The following GNPNAT1 variants were observed in gnomAD, a reference collection of about 807,000 sequenced individuals.
GNPNAT1 encodes the protein glucosamine-phosphate N-acetyltransferase 1, also known as glucosamine 6-phosphate N-acetyltransferase.
GNPNAT1 carries 11 observed loss-of-function variants against 19.8 expected under a neutral mutation model. The ratio of observed to expected loss-of-function variants is 0.56; its 90% CI spans 0.35 to 0.92. The LOEUF is 0.92. Ranked by LOEUF, GNPNAT1 falls within the 40% of genes least tolerant of loss-of-function variation. The probability of loss-of-function intolerance (pLI) is 0.01; values close to 1 mark genes in which losing one functional copy is unlikely to be tolerated. For synonymous variants in GNPNAT1, 71 were observed against 72.3 expected (o/e 0.98, Z 0.09); for missense variants, 157 against 211.0 (o/e 0.74, Z 1.59).
Position 52,775,984 on chromosome 14 carries a change from G to A in GNPNAT1, c.*2327C>T, listed in dbSNP as rs1032789710. 2 of 152,378 alleles carry A rather than the reference G, an allele frequency of 1.3e-5. No individual in the cohort carries two copies. The highest frequency in any genetic ancestry group is 2.9e-5 in the Non-Finnish European group (2 of 68,282). 9.4% of individuals were successfully genotyped at this position (152,378 alleles called of 1,614,324 possible). On this transcript the variant is annotated 3_prime_UTR_variant, in exon 6 of 6. Coordinates refer to ENST00000216410, the MANE Select transcript of GNPNAT1 (RefSeq NM_198066.4). ...CTTGAGCCTAGGAGTTAAGAGACCA[G>A]CCTGGGCAACATAGACTCCACACAA...
chr14:52,783,923 T>C (rs1329103412), intron 2 of GNPNAT1, among the ~76,000 whole-genome samples: 1 of 152,188 alleles, frequency 6.6e-6, no homozygotes, highest in African/African-American at 2.4e-5. Flanking sequence ...TAATTTCTAG[T>C]GAATTTCATT....
At chr14:52,780,958 A>G (rs571836125) in intron 4 of GNPNAT1, among the ~76,000 whole-genome samples, 5 of 152,260 alleles carry the variant, frequency 3.3e-5, no homozygotes, top group Non-Finnish European at 7.4e-5. Context: ...ATAGCTGAAC[A>G]TTTCCTTTGT....
At chr14:52,783,705 T>G (rs1882947698) in intron 2 of GNPNAT1, among the ~76,000 whole-genome samples, 1 of 152,158 alleles carries the variant, frequency 6.6e-6, no homozygotes, top group Non-Finnish European at 1.5e-5. Flanking sequence ...TAAGATGTTT[T>G]AAATAGTGCT....
chr14:52,787,096 A>G (rs925088834), intron 1 of GNPNAT1, among the ~76,000 whole-genome samples: 3 of 151,916 alleles, frequency 2.0e-5, no homozygotes, highest in South Asian at 4.1e-4. Context: ...CCCTCAATAA[A>G]GTTTCAAATT....
chr14:52,785,989 G>A, intron 1 of GNPNAT1, among the ~76,000 whole-genome samples: 1 of 147,930 alleles, frequency 6.8e-6, no homozygotes. Flanking sequence ...GACCTCGGGT[G>A]ATTCGCCTGC....
At chr14:52,790,930 C>G (rs957365742) in intron 1 of GNPNAT1, among the ~76,000 whole-genome samples, 1 of 152,208 alleles carries the variant, frequency 6.6e-6, no homozygotes, top group Non-Finnish European at 1.5e-5. Flanking sequence ...GAATGTCCCT[C>G]TGTACCCTGG....
rs1241228602 is a variant in GNPNAT1, at chr14:52,784,501, A to G, written c.150T>C (p.Asn50=). The G allele has an allele frequency of 6.4e-7, 1 of 1,572,758 alleles. No homozygotes were observed. Among genetic ancestry groups the G allele is most frequent in the Admixed American group, 2.0e-5 (1 of 50,130 alleles). Residue 50 remains asparagine (N), a synonymous_variant, in exon 2 of 6, where the codon AAT becomes AAC. Coordinates refer to ENST00000216410, the MANE Select transcript of GNPNAT1 (RefSeq NM_198066.4). ...ACACAGGATTTTGTACATTACCTCT[A>G]TTTAAGTCAGCAGTACAAAGAGGCC... ...VLRPLCTADL[N]RGFFKVLGQL...
rs943060875 is a variant in GNPNAT1 at position 52,781,663 on chromosome 14, C to T, written c.345+121G>A. ...TCTTTCTTAAAGCTCTCAGAACACA[C>T]TGGGAAAAGGGATTTCTAAGAGGCA... On this transcript the variant is annotated intron_variant, in intron 4 of 5. Transcript: ENST00000216410. 4 of 886,080 alleles carry T rather than the reference C, an allele frequency of 4.5e-6. No individual in the cohort carries two copies. In the East Asian group the frequency reaches 7.9e-5, roughly 18 times the overall value. The allele number at this position is 886,080 out of a possible 1,614,324, so 54.9% of individuals were successfully genotyped here.
At chr14:52,785,395 T>TA (rs1045306674) in intron 1 of GNPNAT1, among the ~76,000 whole-genome samples, 1 of 152,010 alleles carries the variant, frequency 6.6e-6, no homozygotes, top group Non-Finnish European at 1.5e-5. Context: ...AAATTTTTTT[T>TA]AAAAAAGTAA....
chr14:52,778,294 A>G lies in GNPNAT1; in HGVS notation c.*17T>C, dbSNP rs909851578. The G allele has an allele frequency of 1.9e-6, 3 of 1,567,780 alleles. No individual in the cohort carries two copies. In the African/African-American group the frequency reaches 4.2e-5, roughly 22 times the overall value. On this transcript the variant is annotated 3_prime_UTR_variant, in exon 6 of 6. Transcript: ENST00000216410. ...CCTTGTAGCATTAGCCCCTTTGACA[A>G]TTTTCTTACAAGATTTTTACTTTAG...
At chr14:52,784,863 A>T (rs1027487586) in intron 1 of GNPNAT1, among the ~76,000 whole-genome samples, 199 bp from the exon 2 acceptor site, 1 of 152,138 alleles carries the variant, frequency 6.6e-6, no homozygotes, top group Non-Finnish European at 1.5e-5. Flanking sequence ...CTATCAGATA[A>T]AAAAATGGCT....
chr14:52,783,352 A>T, intron 3 of GNPNAT1, 71 bp downstream of exon 3: 1 of 943,366 alleles, frequency 1.1e-6, no homozygotes, highest in Non-Finnish European at 1.7e-6. Context: ...AGAAGTGGGC[A>T]CTGAACAGCT....
Position 52,784,470 on chromosome 14 carries a change from A to C in GNPNAT1, c.154+27T>G, listed in dbSNP as rs368539893. On this transcript the variant is annotated intron_variant, in intron 2 of 5. Coordinates refer to ENST00000216410, the MANE Select transcript of GNPNAT1 (RefSeq NM_198066.4). ...TAGAGAAAAATGGAAGGCTAACTCT[A>C]ATTTTACACAGGATTTTGTACATTA... 5.7e-4 allele frequency: 847 copies of C among 1,498,720 alleles called. 7 individuals carry two copies. The South Asian group carries it at 0.011, about 19-fold the overall frequency. The allele number at this position is 1,498,720 out of a possible 1,614,324, so 92.8% of individuals were successfully genotyped here.
chr14:52,780,613 G>C (rs1454924322), intron 5 of GNPNAT1, 66 bp downstream of exon 5: 1 of 945,758 alleles, frequency 1.1e-6, no homozygotes, highest in African/African-American at 1.6e-5. Flanking sequence ...CTTCAAACAA[G>C]TATCTTGTTA....
At position 52,776,419 on chromosome 14, in the gene GNPNAT1, G is replaced by A. The variant is rs964349666; in HGVS notation, c.*1892C>T. On this transcript the variant is annotated 3_prime_UTR_variant, in exon 6 of 6. Transcript: ENST00000216410. ...CCTTACCTGTAATTCTATTTCCTATGGGAGGATTTAAGAGATATCTTAGGA... is the reference window on the plus strand; with the variant it reads ...CCTTACCTGTAATTCTATTTCCTATAGGAGGATTTAAGAGATATCTTAGGA... 6.6e-5 allele frequency: 10 copies of A among 152,068 alleles called. No individual in the cohort carries two copies. Among genetic ancestry groups the A allele is most frequent in the African/African-American group, 2.2e-4 (9 of 41,396 alleles). The allele number at this position is 152,068 out of a possible 1,614,324, so 9.4% of individuals were successfully genotyped here.
At chr14:52,779,597 G>A (rs1050389210) in intron 5 of GNPNAT1, among the ~76,000 whole-genome samples, 3 of 151,700 alleles carry the variant, frequency 2.0e-5, no homozygotes, top group African/African-American at 7.3e-5. Context: ...GCATGCACCT[G>A]TAGTCCCAGC....
chr14:52,780,587 A>C, intron 5 of GNPNAT1, 92 bp downstream of exon 5: 1 of 777,272 alleles, frequency 1.3e-6, no homozygotes. Flanking sequence ...TTCAGAATTA[A>C]TGAAGCCAAA....
chr14:52,785,598 C>T (rs1882996176), intron 1 of GNPNAT1, among the ~76,000 whole-genome samples: 1 of 151,386 alleles, frequency 6.6e-6, no homozygotes, highest in Non-Finnish European at 1.5e-5. Context: ...TGGCGCATGC[C>T]TGTAATCCCA....
At chr14:52,787,196 G>T (rs1883043027) in intron 1 of GNPNAT1, among the ~76,000 whole-genome samples, 1 of 152,014 alleles carries the variant, frequency 6.6e-6, no homozygotes, top group Non-Finnish European at 1.5e-5. Flanking sequence ...ATATTTTAAT[G>T]AGAGAACAAT....
Sources: gnomAD v4.1 joint callset for allele counts (sites outside exome capture counted in the v4.1 genomes callset) on GRCh38, gnomAD v4.1.1 for gene constraint, MANE v1.5 for transcripts, NCBI Gene and HGNC (gene_info 2026-07-23, HGNC 2026-07-21) for gene names.